TCN1: variants seen among roughly 807,000 people sequenced by gnomAD.
The protein encoded by TCN1 is transcobalamin 1, also known as transcobalamin-1.
In TCN1, 47 loss-of-function variants were observed where a neutral mutation model predicts 46.3. The ratio of observed to expected loss-of-function variants is 1.01; its 90% CI spans 0.80 to 1.29. The LOEUF (loss-of-function observed/expected upper bound fraction) is 1.29, where lower values mean the gene tolerates loss of function less well. TCN1 is among the 50% of genes most tolerant of loss of function. The pLI is 0.00. For missense variants in TCN1, 532 were observed against 511.0 expected, an observed-to-expected ratio of 1.04 and a Z score of -0.40; for synonymous variants, 183 against 192.5, an observed-to-expected ratio of 0.95 and a Z score of 0.41.
chr11:59,853,081 C>G, intron 8 of TCN1, 45 bp from the exon 9 acceptor site: 1 of 1,605,832 alleles, frequency 6.2e-7, no homozygotes, highest in Non-Finnish European at 8.5e-7. Context: ...GATTTGGCCA[C>G]TAAATCACCA....
At chr11:59,862,751 A>C in intron 2 of TCN1, 29 bp from the exon 3 acceptor site, 1 of 1,611,768 alleles carries the variant, frequency 6.2e-7, no homozygotes, top group Non-Finnish European at 8.5e-7. Flanking sequence ...AAGCTTAATA[A>C]GGTACAGGCT....
rs182009215 is a variant in TCN1, at chr11:59,860,136, T to G, written c.557-869A>C. ...GTGTTTTTTGTTTGTTTGTTTTTTG[T>G]TTTTTGGTTTTTTTTGAGACGGAGT... is the stretch of plus-strand genomic sequence containing the variant. On this transcript the variant is annotated intron_variant, in intron 4 of 8. Transcript: ENST00000257264. Among the ~76,000 whole-genome samples, 320 of 152,242 alleles carry G rather than the reference T, an allele frequency of 2.1e-3. 2 individuals are homozygous for G. Among genetic ancestry groups the G allele is most frequent in the South Asian group, 6.6e-3 (32 of 4,824 alleles).
intron 3 of TCN1, among the ~76,000 whole-genome samples, chr11:59,862,361 A>G (rs1476625165): frequency 1.3e-5 from 2 of 152,056 alleles, no homozygotes; most frequent in East Asian, 1.9e-4. Context: ...TTCTGCCATC[A>G]TATGTAAAGT....
At chr11:59,853,121 T>TG in intron 8 of TCN1, 82 bp downstream of exon 8, 1 of 1,600,026 alleles carries the variant, frequency 6.2e-7, no homozygotes, top group Admixed American at 1.7e-5. Flanking sequence ...ACTAACCCCT[T>TG]GGCCCAATCC....
chr11:59,866,420 A>G lies in TCN1; in HGVS notation c.51T>C (p.Phe17=), dbSNP rs1342782353. Residue 17 remains phenylalanine (F), a synonymous_variant, in exon 1 of 9, where the codon TTT becomes TTC. Coordinates refer to ENST00000257264, the MANE Select transcript of TCN1 (RefSeq NM_001062.4). ...AAATCTCGCATAGTTGGCTTGGAATAAAAGAAAACAGTAAGAGCCCCACTA... is the reference window on the plus strand; with the variant it reads ...AAATCTCGCATAGTTGGCTTGGAATGAAAGAAAACAGTAAGAGCCCCACTA... ...LPLVGLLLFS[F]IPSQLCEICE... 1.2e-6 allele frequency: 2 copies of G among 1,613,554 alleles called. No individual in the cohort carries two copies. Among genetic ancestry groups the G allele is most frequent in the Non-Finnish European group, 1.7e-6 (2 of 1,179,520 alleles).
chr11:59,859,058 G>A lies in TCN1; in HGVS notation c.747+19C>T, dbSNP rs201304932. Reference sequence around the variant, plus strand: ...GAGAAGACTCCCTTCTCTGCCTCCTGTTTCACCCTCTGACTTACCTGCATG... The same window carrying A: ...GAGAAGACTCCCTTCTCTGCCTCCTATTTCACCCTCTGACTTACCTGCATG... On this transcript the variant is annotated intron_variant, in intron 5 of 8. Transcript: ENST00000257264. 1.2e-6 allele frequency: 2 copies of A among 1,609,558 alleles called. No individual in the cohort carries two copies. The highest frequency in any genetic ancestry group is 8.5e-7 in the Non-Finnish European group (1 of 1,178,986).
At chr11:59,853,640 C>T (rs1369375631) in intron 7 of TCN1, among the ~76,000 whole-genome samples, 2 of 152,076 alleles carry the variant, frequency 1.3e-5, no homozygotes, top group Non-Finnish European at 1.5e-5. Flanking sequence ...AACCTTCCAC[C>T]CCAAGATAGT....
rs138473817 is a variant in TCN1 at position 59,855,706 on chromosome 11, G to C, written c.937+163C>G. ...CTCAGTTAAGAACAAATCCTCAGGT[G>C]ACTGTAAACCCTGGTAACATGAGGA... On this transcript the variant is annotated intron_variant, in intron 6 of 8. Coordinates refer to ENST00000257264, the MANE Select transcript of TCN1 (RefSeq NM_001062.4). Among the ~76,000 whole-genome samples, 288 of 152,294 alleles carry C rather than the reference G, an allele frequency of 1.9e-3. 3 individuals carry two copies. Among genetic ancestry groups the C allele is most frequent in the Non-Finnish European group, 2.3e-3 (159 of 68,022 alleles).
At chr11:59,858,531 C>T (rs918090053) in intron 5 of TCN1, among the ~76,000 whole-genome samples, 1 of 151,992 alleles carries the variant, frequency 6.6e-6, no homozygotes, top group Non-Finnish European at 1.5e-5. Flanking sequence ...GGAAAAGCTT[C>T]CTAGAAGCAT....
At chr11:59,862,098 A>G (rs747807972) in intron 3 of TCN1, among the ~76,000 whole-genome samples, 24 of 152,206 alleles carry the variant, frequency 1.6e-4, no homozygotes, top group Non-Finnish European at 2.9e-4. Flanking sequence ...ATTGGGTGGG[A>G]ACTGAAATAA....
At chr11:59,854,518 A>G (rs1325302002) in intron 7 of TCN1, 134 bp downstream of exon 7, 1 of 870,914 alleles carries the variant, frequency 1.1e-6, no homozygotes, top group Non-Finnish European at 1.8e-6. Flanking sequence ...TCCTGCTGTG[A>G]GATGTAGATG....
intron 1 of TCN1, among the ~76,000 whole-genome samples, chr11:59,865,843 A>G (rs139832065): frequency 1.5e-3 from 230 of 152,254 alleles, no homozygotes; most frequent in African/African-American, 5.3e-3. Context: ...CATGCAAGAG[A>G]TGATGGAACT....
At position 59,862,639 on chromosome 11, in the gene TCN1, C is replaced by T. The variant is rs35287646; in HGVS notation, c.343G>A (p.Asp115Asn). 1.1e-4 allele frequency: 172 copies of T among 1,613,660 alleles called. No homozygotes were observed. In the African/African-American group the frequency reaches 2.1e-3, roughly 20 times the overall value. ...CRNAEENLIY[D>N]YHLIDKLENK... is the part of the protein sequence containing the mutation. ...TCTAGCTTGTCGATCAGGTGGTAATCATATATTAAGTTTTCCTCAGCGTTA... is the reference window on the plus strand; with the variant it reads ...TCTAGCTTGTCGATCAGGTGGTAATTATATATTAAGTTTTCCTCAGCGTTA... Residue 115 changes from aspartate to asparagine, a missense_variant, in exon 3 of 9, where the codon GAT becomes AAT. Physicochemically the swap from Asp to Asn is conservative, Grantham distance 23. Coordinates refer to ENST00000257264, the MANE Select transcript of TCN1 (RefSeq NM_001062.4).
At position 59,859,175 on chromosome 11, in the gene TCN1, T is replaced by C. The variant is rs374242774; in HGVS notation, c.649A>G (p.Ile217Val). Reference sequence around the variant, plus strand: ...ACCAGTGACTTTGTATAAATACTGATGTTCTTTAAACTGCCTTCATCTGCT... The same window carrying C: ...ACCAGTGACTTTGTATAAATACTGACGTTCTTTAAACTGCCTTCATCTGCT... ...IKADEGSLKN[I>V]SIYTKSLVEK... Residue 217 changes from isoleucine to valine, a missense_variant, in exon 5 of 9, where the codon ATC (isoleucine) becomes GTC (valine). Physicochemically the swap from Ile to Val is conservative, Grantham distance 29. Coordinates refer to ENST00000257264, the MANE Select transcript of TCN1 (RefSeq NM_001062.4). 2 of 1,613,942 alleles carry C rather than the reference T, an allele frequency of 1.2e-6. No individual in the cohort carries two copies. The highest frequency in any genetic ancestry group is 1.3e-5 in the African/African-American group (1 of 74,932).
chr11:59,866,241 A>G, intron 1 of TCN1, 151 bp downstream of exon 1: 1 of 768,412 alleles, frequency 1.3e-6, no homozygotes, highest in South Asian at 1.5e-5. Flanking sequence ...TTTCCTCACC[A>G]TCTCCTGCCA....
intron 1 of TCN1, 86 bp downstream of exon 1, chr11:59,866,306 T>C: frequency 1.4e-6 from 2 of 1,379,766 alleles, no homozygotes; most frequent in Non-Finnish European, 2.1e-6. Flanking sequence ...TGGGATCTTT[T>C]CTCAGGTAAC....
chr11:59,856,200 A>C (rs1391935146), intron 5 of TCN1, 142 bp from the exon 6 acceptor site: 1 of 678,216 alleles, frequency 1.5e-6, no homozygotes, highest in Non-Finnish European at 2.5e-6. Context: ...TTGACTACCT[A>C]GGAAGCACCT....
rs140949737 is a variant in TCN1 at position 59,859,197 on chromosome 11, T to G, written c.627A>C (p.Ala209=). 1 of 1,613,916 alleles carries G rather than the reference T, an allele frequency of 6.2e-7. No homozygotes were observed. Among genetic ancestry groups the G allele is most frequent in the African/African-American group, 1.3e-5 (1 of 74,926 alleles). ...TGATGTTCTTTAAACTGCCTTCATC[T>G]GCTTTGATCTGCCCATTTATTAGAC... The part of the protein sequence containing the change: ...KKSLINGQIK[A]DEGSLKNISI... Residue 209 remains alanine, a synonymous_variant, in exon 5 of 9, where the codon GCA becomes GCC. Coordinates refer to ENST00000257264, the MANE Select transcript of TCN1 (RefSeq NM_001062.4).
At chr11:59,863,016 G>A (rs1012060748) in intron 2 of TCN1, among the ~76,000 whole-genome samples, 1 of 152,102 alleles carries the variant, frequency 6.6e-6, no homozygotes, top group Non-Finnish European at 1.5e-5. Context: ...GCATGTTACT[G>A]TCCTGAATAC....
Sources: gnomAD v4.1 joint callset for allele counts (sites outside exome capture counted in the v4.1 genomes callset) on GRCh38, gnomAD v4.1.1 for gene constraint, MANE v1.5 for transcripts, NCBI Gene and HGNC (gene_info 2026-07-23, HGNC 2026-07-21) for gene names.